Variants in ZZZ3 observed in about 807,000 individuals in gnomAD.
ZZZ3 encodes zinc finger ZZ-type containing 3, also known as ZZ-type zinc finger-containing protein 3.
In ZZZ3, 22 loss-of-function variants were observed where a neutral mutation model predicts 95.2. The ratio of observed to expected loss-of-function variants is 0.23; its 90% CI spans 0.17 to 0.33. The LOEUF (loss-of-function observed/expected upper bound fraction) is 0.33. Ranked by LOEUF, ZZZ3 falls within the 10% of genes least tolerant of loss-of-function variation. The pLI, the probability that ZZZ3 is intolerant of heterozygous loss-of-function variation, is 1.00. For synonymous variants in ZZZ3, 335 were observed against 358.9 expected, an observed-to-expected ratio of 0.93 and a Z score of 0.75; for missense variants, 885 against 1,066.5, an observed-to-expected ratio of 0.83 and a Z score of 2.37.
intron 5 of ZZZ3, among the ~76,000 whole-genome samples, chr1:77,592,125 G>A (rs1663764258): frequency 6.6e-6 from 1 of 152,052 alleles, no homozygotes; most frequent in African/African-American, 2.4e-5. Flanking sequence ...TATTAGCTGG[G>A]TGGTCCCCAA....
intron 1 of ZZZ3, among the ~76,000 whole-genome samples, chr1:77,664,558 T>C (rs278853): frequency 0.77 from 117,702 of 152,116 alleles, 45,768 homozygotes; most frequent in South Asian, 0.91. Context: ...ACTCATGTAA[T>C]TTTTTCTATC....
At chr1:77,589,049 A>G (rs1663392573) in intron 5 of ZZZ3, among the ~76,000 whole-genome samples, 1 of 151,962 alleles carries the variant, frequency 6.6e-6, no homozygotes, top group South Asian at 2.1e-4. Flanking sequence ...GCTACTTTTT[A>G]AATTTTTTGT....
At chr1:77,594,845 A>G (rs963706511) in intron 5 of ZZZ3, among the ~76,000 whole-genome samples, 13 of 151,668 alleles carry the variant, frequency 8.6e-5, no homozygotes, top group African/African-American at 2.7e-4. Context: ...ATTTAACTAC[A>G]TAAACAAAAA....
intron 5 of ZZZ3, among the ~76,000 whole-genome samples, chr1:77,625,773 T>G (rs1164339710): frequency 6.6e-6 from 1 of 151,758 alleles, no homozygotes; most frequent in African/African-American, 2.4e-5. Context: ...GCGGATCACT[T>G]GAGGTCAGGA....
chr1:77,565,619 T>G lies in ZZZ3; in HGVS notation c.*21A>C. The G allele has an allele frequency of 6.2e-7, 1 of 1,610,772 alleles. No individual in the cohort carries two copies. Among genetic ancestry groups the G allele is most frequent in the Non-Finnish European group, 8.5e-7 (1 of 1,178,098 alleles). On this transcript the variant is annotated 3_prime_UTR_variant, in exon 15 of 15. Transcript: ENST00000370801. ...ATTGCTATGTGTTGAAGAGGACTAG[T>G]AAATGATGTTCTCTTCCATGTCATC...
At chr1:77,682,925 G>C (rs571137591), upstream of ZZZ3, among the ~76,000 whole-genome samples, 224 of 152,278 alleles carry the variant, frequency 1.5e-3, 2 homozygotes, top group African/African-American at 5.1e-3. Context: ...AGAGCGCAGT[G>C]CGCTGCCCCA....
At chr1:77,622,806 A>G (rs996705377) in intron 5 of ZZZ3, among the ~76,000 whole-genome samples, 24 of 152,198 alleles carry the variant, frequency 1.6e-4, no homozygotes, top group Non-Finnish European at 2.5e-4. Context: ...TCATTCTTCA[A>G]TTAAAATTCT....
rs553177254 is a variant in ZZZ3, at chr1:77,595,484, A to T, written c.1506-10829T>A. 8.4e-4 allele frequency among the ~76,000 whole-genome samples: 128 copies of T among 152,172 alleles called. 1 individual carries two copies. The highest frequency in any genetic ancestry group is 3.0e-3 in the African/African-American group (125 of 41,578). On this transcript the variant is annotated intron_variant, in intron 5 of 14. Coordinates refer to ENST00000370801, the MANE Select transcript of ZZZ3 (RefSeq NM_015534.6). ...GACAGAATATCAAATATTACACCTT[A>T]TCAGGCTTTTAGTTTCCTCTTCTAC...
chr1:77,665,051 T>C (rs538535285), intron 1 of ZZZ3, among the ~76,000 whole-genome samples: 2 of 152,340 alleles, frequency 1.3e-5, no homozygotes, highest in African/African-American at 4.8e-5. Flanking sequence ...ATCTAAAACC[T>C]GTGCTATCAG....
In ZZZ3 at chr1:77,632,871, G is replaced by A; in HGVS notation, c.484C>T (p.Arg162Ter). ...TCCAGTATAAGACATCGACAAGCTC[G>A]TTTAGTCCCTTGAAAATCTGCATCA... Reference protein sequence around the residue: ...DNDADFQGTKRACRCLILDDC... With the variant: ...DNDADFQGTK The change falls in exon 5 of 15, where the codon CGA (arginine) becomes TGA (stop). Residue 162 changes from arginine to a stop codon, truncating the protein, a stop_gained. Coordinates refer to ENST00000370801, the MANE Select transcript of ZZZ3 (RefSeq NM_015534.6). LOFTEE classifies it high-confidence loss of function. 1 of 1,614,096 alleles carries A rather than the reference G, an allele frequency of 6.2e-7. No individual in the cohort carries two copies. The highest frequency in any genetic ancestry group is 1.1e-5 in the South Asian group (1 of 91,076).
At chr1:77,676,306 A>G (rs1045411829) in intron 1 of ZZZ3, among the ~76,000 whole-genome samples, 3 of 152,194 alleles carry the variant, frequency 2.0e-5, no homozygotes, top group African/African-American at 7.2e-5. Context: ...AGCTGAAAGT[A>G]CAGGCGCACG....
At chr1:77,674,742 A>C (rs1672102236) in intron 1 of ZZZ3, among the ~76,000 whole-genome samples, 1 of 152,128 alleles carries the variant, frequency 6.6e-6, no homozygotes, top group Non-Finnish European at 1.5e-5. Context: ...ACTTGAGGTC[A>C]GGAGTTCAAA....
rs1028609124 is a variant in ZZZ3 at position 77,564,002 on chromosome 1, C to T, written c.*1638G>A. 4.6e-5 allele frequency: 7 copies of T among 151,822 alleles called. No homozygotes were observed. The highest frequency in any genetic ancestry group is 3.3e-4 in the Admixed American group (5 of 15,238). 9.4% of individuals were successfully genotyped at this position (151,822 alleles called of 1,614,324 possible). ...CTGAAGAGAACTAGTAAATAATGTT[C>T]CCTTGATTTAAAATAGGAAAAAACA... On this transcript the variant is annotated 3_prime_UTR_variant, in exon 15 of 15. Coordinates refer to ENST00000370801, the MANE Select transcript of ZZZ3 (RefSeq NM_015534.6).
chr1:77,656,290 T>G (rs1206482994), intron 1 of ZZZ3, among the ~76,000 whole-genome samples: 1 of 152,230 alleles, frequency 6.6e-6, no homozygotes, highest in Non-Finnish European at 1.5e-5. Context: ...TCCATTAATT[T>G]TATTTAGTGA....
At chr1:77,676,475 T>C (rs1672280756) in intron 1 of ZZZ3, among the ~76,000 whole-genome samples, 1 of 152,198 alleles carries the variant, frequency 6.6e-6, no homozygotes. Context: ...GCATAGTACT[T>C]TTAAGTAGTT....
intron 9 of ZZZ3, 182 bp from the exon 10 acceptor site, chr1:77,579,810 G>T: frequency 2.6e-6 from 1 of 389,104 alleles, no homozygotes; most frequent in Middle Eastern, 6.8e-4. Context: ...GACTTCACAG[G>T]GAACAATGAA....
rs10581619 is a variant in ZZZ3, at chr1:77,568,471, C to CAA, written c.2332-7_2332-6dup. The CAA allele has an allele frequency of 8.0e-4, 474 of 592,928 alleles. No individual in the cohort carries two copies. The highest frequency in any genetic ancestry group is 2.2e-3 in the Middle Eastern group (4 of 1,784). The allele number at this position is 592,928 out of a possible 1,614,324, so 36.7% of individuals were successfully genotyped here. On this transcript the variant is annotated splice_region_variant and splice_polypyrimidine_tract_variant and intron_variant, in intron 12 of 14. Coordinates refer to ENST00000370801, the MANE Select transcript of ZZZ3 (RefSeq NM_015534.6). ...GATAGGAATACTTTCGTCATCCTAT[C>CAA]AAAAAAAAAAAAAAAAAAAAATGTT...
At chr1:77,596,817 AG>A (rs1445311490) in intron 5 of ZZZ3, among the ~76,000 whole-genome samples, 2 of 152,142 alleles carry the variant, frequency 1.3e-5, no homozygotes, top group African/African-American at 4.8e-5. Flanking sequence ...GGAATTGTAC[AG>A]ATAAACAAGG....
intron 5 of ZZZ3, among the ~76,000 whole-genome samples, chr1:77,598,951 C>T (rs940696425): frequency 6.6e-6 from 1 of 152,034 alleles, no homozygotes; most frequent in Non-Finnish European, 1.5e-5. Flanking sequence ...GTAGTTAAAC[C>T]GGCCCCATTA....
Sources: allele counts gnomAD v4.1 joint callset (sites outside exome capture counted in the v4.1 genomes callset), GRCh38; gene constraint gnomAD v4.1.1; transcripts MANE v1.5; gene names NCBI Gene and HGNC (gene_info 2026-07-23, HGNC 2026-07-21).